The following BTN3A2 variants were observed in gnomAD, a reference collection of about 807,000 sequenced individuals.
The protein encoded by BTN3A2 is butyrophilin subfamily 3 member A2.
BTN3A2 carries 25 observed loss-of-function variants against 37.6 expected under a neutral mutation model. That is an observed-to-expected ratio of 0.66 (90% CI 0.48 to 0.93). BTN3A2 has a LOEUF of 0.93. Among genes scored for constraint, BTN3A2 ranks in the 40% least tolerant of loss-of-function variants. The pLI is 0.00. For synonymous variants in BTN3A2, 122 were observed against 159.4 expected (o/e 0.77, Z 1.77); for missense variants, 266 against 410.9 (o/e 0.65, Z 3.05).
Position 26,376,882 on chromosome 6 carries a change from G to A in BTN3A2, c.*1120G>A, listed in dbSNP as rs945263974. ...GGCCTGACTGATGGGAATAAGTATC[G>A]GGCTCTCACTGAGCCCAGAACCAAC... On this transcript the variant is annotated 3_prime_UTR_variant, in exon 11 of 11. Transcript: ENST00000377708. 6.1e-5 allele frequency: 98 copies of A among 1,613,752 alleles called. No individual in the cohort carries two copies. Among genetic ancestry groups the A allele is most frequent in the Admixed American group, 3.0e-4 (18 of 59,982 alleles).
At position 26,377,825 on chromosome 6, in the gene BTN3A2, T is replaced by C. The variant is rs1310909322; in HGVS notation, c.*2063T>C. 6.4e-6 allele frequency: 1 copy of C among 156,542 alleles called. No homozygotes were observed. Among genetic ancestry groups the C allele is most frequent in the African/African-American group, 2.4e-5 (1 of 41,456 alleles). 9.7% of individuals were successfully genotyped at this position (156,542 alleles called of 1,614,324 possible). A position where few individuals can be genotyped will look rare whatever the true frequency, so the allele number is the denominator to read the frequency against. On this transcript the variant is annotated 3_prime_UTR_variant, in exon 11 of 11. Coordinates refer to ENST00000377708, the MANE Select transcript of BTN3A2 (RefSeq NM_007047.5). ...TCCTTCCCAGCTGATTATCAGAGCC[T>C]TAGACCCAGCACTCCTTGGATTGGC...
intron 1 of BTN3A2, among the ~76,000 whole-genome samples, chr6:26,365,876 G>T (rs1002309253): frequency 6.6e-5 from 10 of 152,090 alleles, no homozygotes; most frequent in Non-Finnish European, 1.5e-4. Flanking sequence ...TATTCAACAG[G>T]TGGGGAATAG....
chr6:26,370,816 A>C (rs781245661), intron 5 of BTN3A2, among the ~76,000 whole-genome samples: 1 of 152,210 alleles, frequency 6.6e-6, no homozygotes, highest in Non-Finnish European at 1.5e-5. Flanking sequence ...TATCTGCCAG[A>C]AAGTATGACA....
In BTN3A2 at chr6:26,365,255, T is replaced by A. The variant is rs1390893399; in HGVS notation, c.-164T>A. The A allele has an allele frequency of 6.7e-7, 1 of 1,484,768 alleles. No individual in the cohort carries two copies. The highest frequency in any genetic ancestry group is 9.1e-7 in the Non-Finnish European group (1 of 1,101,826). The allele number at this position is 1,484,768 out of a possible 1,614,324, so 92.0% of individuals were successfully genotyped here. A position where few individuals can be genotyped will look rare whatever the true frequency, so the allele number is the denominator to read the frequency against. ...TATTTGCTTTCTCTTTTTCCTTTCTTCCGGATGAGAGGCTAAGCCATAATA... is the reference window on the plus strand; with the variant it reads ...TATTTGCTTTCTCTTTTTCCTTTCTACCGGATGAGAGGCTAAGCCATAATA... On this transcript the variant is annotated 5_prime_UTR_variant, in exon 1 of 11. Coordinates refer to ENST00000377708, the MANE Select transcript of BTN3A2 (RefSeq NM_007047.5).
At position 26,373,729 on chromosome 6, in the gene BTN3A2, T is replaced by C. The variant is rs765384263; in HGVS notation, c.964+316T>C. On this transcript the variant is annotated intron_variant, in intron 8 of 10. Coordinates refer to ENST00000377708, the MANE Select transcript of BTN3A2 (RefSeq NM_007047.5). Reference sequence around the variant, plus strand: ...AGAGAAGGATGAGGTGCATTTTCTATGGCAGGAAACTTACTTGTTGTTTCC... The same window carrying C: ...AGAGAAGGATGAGGTGCATTTTCTACGGCAGGAAACTTACTTGTTGTTTCC... The C allele has an allele frequency of 6.4e-4, 186 of 289,312 alleles. 1 individual carries two copies. The highest frequency in any genetic ancestry group is 1.3e-4 in the Non-Finnish European group (21 of 158,942). 17.9% of individuals were successfully genotyped at this position (289,312 alleles called of 1,614,324 possible).
intron 5 of BTN3A2, among the ~76,000 whole-genome samples, chr6:26,370,908 A>C (rs1479304877): frequency 6.6e-6 from 1 of 152,224 alleles, no homozygotes; most frequent in Non-Finnish European, 1.5e-5. Flanking sequence ...ATATATATTT[A>C]CAAACTCATA....
chr6:26,374,673 C>G, intron 9 of BTN3A2, 98 bp from the exon 10 acceptor site: 1 of 1,328,172 alleles, frequency 7.5e-7, no homozygotes, highest in East Asian at 2.3e-5. Context: ...GGAAGAGACT[C>G]TAAAGAAAAG....
In BTN3A2 at chr6:26,376,548, G is replaced by T; in HGVS notation, c.*786G>T. 1 of 1,366,652 alleles carries T rather than the reference G, an allele frequency of 7.3e-7. No homozygotes were observed. Among genetic ancestry groups the T allele is most frequent in the South Asian group, 1.4e-5 (1 of 72,282 alleles). 84.7% of individuals were successfully genotyped at this position (1,366,652 alleles called of 1,614,324 possible). On this transcript the variant is annotated 3_prime_UTR_variant, in exon 11 of 11. Coordinates refer to ENST00000377708, the MANE Select transcript of BTN3A2 (RefSeq NM_007047.5). ...ATCCAGGAAAAATGGCTGACCCCAT[G>T]GACACCTCCTCAAACTCTCTGCAGC...
In BTN3A2 at chr6:26,373,243, T is replaced by C. The variant is rs943095010; in HGVS notation, c.917-33T>C. ...CTCACCCATAACAGTTCATCTTTTT[T>C]TTTTTTTTTTTTTTTTTTTGGTTAT... On this transcript the variant is annotated intron_variant, in intron 6 of 10. Coordinates refer to ENST00000377708, the MANE Select transcript of BTN3A2 (RefSeq NM_007047.5). 23 of 1,433,538 alleles carry C rather than the reference T, an allele frequency of 1.6e-5. No homozygotes were observed. In the African/African-American group the frequency reaches 2.0e-4, roughly 12 times the overall value. The allele number at this position is 1,433,538 out of a possible 1,614,324, so 88.8% of individuals were successfully genotyped here. A position where few individuals can be genotyped will look rare whatever the true frequency, so the allele number is the denominator to read the frequency against.
chr6:26,366,546 C>G (rs1762080839), intron 1 of BTN3A2, among the ~76,000 whole-genome samples: 1 of 152,168 alleles, frequency 6.6e-6, no homozygotes, highest in Non-Finnish European at 1.5e-5. Flanking sequence ...TAAAAGTTCT[C>G]CCTCTGAGGA....
At position 26,368,649 on chromosome 6, in the gene BTN3A2, C is replaced by A. The variant is rs755728551; in HGVS notation, c.170C>A (p.Thr57Asn). ...GATCTGCCCTGTCACCTGTTCCCGA[C>A]CATGAGTGCAGAGACCATGGAGCTG... ...DADLPCHLFP[T>N]MSAETMELKW... The change falls in exon 4 of 11, where the codon ACC becomes AAC. Residue 57 changes from threonine (T) to asparagine (N), a missense_variant. Physicochemically the swap from Thr to Asn is moderately conservative, Grantham distance 65. This residue lies in a region of BTN3A2 where 47 missense variants were observed against 77.3 expected (regional missense o/e 0.61). Coordinates refer to ENST00000377708, the MANE Select transcript of BTN3A2 (RefSeq NM_007047.5). 3.7e-6 allele frequency: 6 copies of A among 1,614,048 alleles called. No individual in the cohort carries two copies. The South Asian group carries it at 6.6e-5, about 18-fold the overall frequency.
In BTN3A2 at chr6:26,373,103, C is replaced by T; in HGVS notation, c.916+6C>T. On this transcript the variant is annotated splice_donor_region_variant and intron_variant, in intron 6 of 10. Coordinates refer to ENST00000377708, the MANE Select transcript of BTN3A2 (RefSeq NM_007047.5). ...GCGGGAAATAAGCCTAAGAGGTATC[C>T]AACGCAAGCAGAGAATCTAAGCTCT... 1 of 1,613,080 alleles carries T rather than the reference C, an allele frequency of 6.2e-7. No individual in the cohort carries two copies. Among genetic ancestry groups the T allele is most frequent in the South Asian group, 1.1e-5 (1 of 91,062 alleles).
chr6:26,371,252 C>T (rs572865961), intron 5 of BTN3A2, among the ~76,000 whole-genome samples: 1 of 152,024 alleles, frequency 6.6e-6, no homozygotes. Context: ...CAGAGCGAGA[C>T]TCTGTCTCAA....
In BTN3A2 at chr6:26,376,439, A is replaced by G. The variant is rs536719897; in HGVS notation, c.*677A>G. 2.8e-6 allele frequency: 2 copies of G among 720,786 alleles called. No individual in the cohort carries two copies. Among genetic ancestry groups the G allele is most frequent in the East Asian group, 9.4e-5 (2 of 21,198 alleles). 44.6% of individuals were successfully genotyped at this position (720,786 alleles called of 1,614,324 possible). On this transcript the variant is annotated 3_prime_UTR_variant, in exon 11 of 11. Transcript: ENST00000377708. Reference sequence around the variant, plus strand: ...TTTCACCAATGACATTGATGAGAGAATCACATTCAGGGCAGGCTAGGGACA... The same window carrying G: ...TTTCACCAATGACATTGATGAGAGAGTCACATTCAGGGCAGGCTAGGGACA...
chr6:26,373,701 G>A, intron 8 of BTN3A2: 1 of 338,230 alleles, frequency 3.0e-6, no homozygotes, highest in Non-Finnish European at 5.3e-6. Flanking sequence ...AAAGGAAGAG[G>A]GAAGAGAAGG....
chr6:26,375,494 C>G, intron 10 of BTN3A2: 1 of 727,716 alleles, frequency 1.4e-6, no homozygotes, highest in Non-Finnish European at 2.2e-6. Flanking sequence ...TCCTTTCTTT[C>G]TCCTTCTAAT....
intron 1 of BTN3A2, 101 bp downstream of exon 1, chr6:26,365,453 C>T (rs1221771471): frequency 7.9e-7 from 1 of 1,266,508 alleles, no homozygotes. Flanking sequence ...GAGTACTCTC[C>T]CAGAGAAAGG....
chr6:26,370,237 A>G (rs1191939793), intron 4 of BTN3A2, 85 bp from the exon 5 acceptor site: 2 of 1,483,748 alleles, frequency 1.3e-6, no homozygotes, highest in East Asian at 2.3e-5. Flanking sequence ...TTGAATTATC[A>G]AATCTGAGCC....
intron 3 of BTN3A2, 130 bp downstream of exon 3, chr6:26,368,397 A>C: frequency 6.5e-7 from 1 of 1,540,926 alleles, no homozygotes; most frequent in South Asian, 1.1e-5. Flanking sequence ...CTGGAAGTCC[A>C]TCCCAACCTG....
Sources: gnomAD v4.1 joint callset for allele counts (sites outside exome capture counted in the v4.1 genomes callset) on GRCh38, gnomAD v4.1.1 for gene constraint, gnomAD v4.1.1 regional missense constraint, MANE v1.5 for transcripts, NCBI Gene and HGNC (gene_info 2026-07-23, HGNC 2026-07-21) for gene names.